Variants in GOPC observed in about 807,000 individuals in gnomAD.
GOPC encodes the protein golgi associated PDZ and coiled-coil motif containing.
In GOPC, 32 loss-of-function variants were observed where a neutral mutation model predicts 51.2. That is an observed-to-expected ratio of 0.63 (90% CI 0.47 to 0.84). The LOEUF is 0.84. Among genes scored for constraint, GOPC ranks in the 40% least tolerant of loss-of-function variants. The probability of loss-of-function intolerance (pLI) is 0.00; values close to 1 mark genes in which losing one functional copy is unlikely to be tolerated. For synonymous variants in GOPC, 190 were observed against 205.1 expected (o/e 0.93, Z 0.63); for missense variants, 441 against 555.5 (o/e 0.79, Z 2.07).
intron 5 of GOPC, among the ~76,000 whole-genome samples, chr6:117,571,539 A>T (rs1779806819): frequency 6.6e-6 from 1 of 152,104 alleles, no homozygotes; most frequent in South Asian, 2.1e-4. Context: ...ATCATGTGCA[A>T]ATGCAAAACA....
intron 1 of GOPC, among the ~76,000 whole-genome samples, chr6:117,591,192 G>A (rs974846415): frequency 6.6e-6 from 1 of 152,124 alleles, no homozygotes; most frequent in African/African-American, 2.4e-5. Context: ...TACCAATTCT[G>A]TAATCCTTAT....
chr6:117,578,076 T>C (rs2114614048), intron 2 of GOPC, among the ~76,000 whole-genome samples: 1 of 152,254 alleles, frequency 6.6e-6, no homozygotes. Context: ...ATCTGCTATC[T>C]CTTACACACT....
intron 1 of GOPC, among the ~76,000 whole-genome samples, chr6:117,581,946 TG>T (rs774132372): frequency 3.3e-5 from 5 of 152,128 alleles, no homozygotes; most frequent in Non-Finnish European, 7.4e-5. Context: ...TCCAAGTGAT[TG>T]TAGCAACTGA....
Position 117,602,206 on chromosome 6 carries a change from ACCCCGCCAGGGGC to A in GOPC, c.70_82del (p.Ala24TyrfsTer43), listed in dbSNP as rs1227494707. On this transcript the variant is annotated frameshift_variant, in exon 1 of 9. Coordinates refer to ENST00000368498, the MANE Select transcript of GOPC (RefSeq NM_020399.4). LOFTEE classifies it high-confidence loss of function. Reference sequence around the variant, plus strand: ...CACCTCCAGCCACCGGAACATGGATACCCCGCCAGGGGCCCCCACGGAGCAGGAGGCGCCCCCT... The same window carrying A: ...CACCTCCAGCCACCGGAACATGGATACCCCACGGAGCAGGAGGCGCCCCCT... The A allele has an allele frequency of 2.5e-6, 4 of 1,608,056 alleles. No homozygotes were observed. The highest frequency in any genetic ancestry group is 3.4e-6 in the Non-Finnish European group (4 of 1,179,852).
chr6:117,581,364 CT>C (rs920764356), intron 1 of GOPC, among the ~76,000 whole-genome samples: 2 of 151,578 alleles, frequency 1.3e-5, no homozygotes, highest in African/African-American at 2.4e-5. Context: ...TTCTTCATTC[CT>C]TTTTTTTAAA....
chr6:117,569,183 T>TCTA (rs1311111884), intron 7 of GOPC, among the ~76,000 whole-genome samples: 2 of 152,350 alleles, frequency 1.3e-5, no homozygotes, highest in South Asian at 2.1e-4. Flanking sequence ...TCAATCTACT[T>TCTA]CTAGCACTGT....
chr6:117,598,229 C>T (rs1780231235), intron 1 of GOPC, among the ~76,000 whole-genome samples: 1 of 150,202 alleles, frequency 6.7e-6, no homozygotes, highest in Non-Finnish European at 1.5e-5. Flanking sequence ...GAAAAATTAG[C>T]TGAGTATAGT....
intron 1 of GOPC, among the ~76,000 whole-genome samples, chr6:117,588,942 ATAGAG>A (rs371642893): frequency 1.6e-4 from 24 of 152,250 alleles, no homozygotes; most frequent in Admixed American, 5.2e-4. Flanking sequence ...GCTCCACCAT[ATAGAG>A]TAGGGGTAGG....
chr6:117,563,450 A>G (rs1484284651), intron 8 of GOPC, 66 bp from the exon 9 acceptor site: 1 of 1,495,514 alleles, frequency 6.7e-7, no homozygotes. Context: ...GGTCAGGTGC[A>G]GTGGCTCATA....
rs748347695 is a variant in GOPC, at chr6:117,578,945, A to G, written c.405T>C (p.Ala135=). 1.2e-6 allele frequency: 2 copies of G among 1,610,896 alleles called. No homozygotes were observed. The highest frequency in any genetic ancestry group is 2.2e-5 in the South Asian group (2 of 90,262). Residue 135 remains alanine, a synonymous_variant, in exon 2 of 9, where the codon GCT becomes GCC. Coordinates refer to ENST00000368498, the MANE Select transcript of GOPC (RefSeq NM_020399.4). ...QLHSIQLQLH[A]KTGQSADSGT... ...CAGAGTCAGCACTTTGACCAGTTTTAGCATGAAGCTGCAGCTGAATAGAGT... is the reference window on the plus strand; with the variant it reads ...CAGAGTCAGCACTTTGACCAGTTTTGGCATGAAGCTGCAGCTGAATAGAGT...
chr6:117,565,454 A>C (rs753242211), intron 8 of GOPC, among the ~76,000 whole-genome samples: 4 of 152,208 alleles, frequency 2.6e-5, no homozygotes, highest in Non-Finnish European at 4.4e-5. Flanking sequence ...TTATATTAAA[A>C]TCCATTTGCC....
Position 117,569,744 on chromosome 6 carries a change from C to A in GOPC, c.913-8G>T, listed in dbSNP as rs764755810. The A allele has an allele frequency of 7.7e-6, 12 of 1,568,602 alleles. No individual in the cohort carries two copies. Among genetic ancestry groups the A allele is most frequent in the African/African-American group, 5.5e-5 (4 of 72,352 alleles). On this transcript the variant is annotated splice_region_variant and splice_polypyrimidine_tract_variant and intron_variant, in intron 6 of 8. Coordinates refer to ENST00000368498, the MANE Select transcript of GOPC (RefSeq NM_020399.4). Reference sequence around the variant, plus strand: ...ACCATGTTCTTTCCCACCCTAACAACAACAAAGGGCAGTAAATTAAAGTAC... The same window carrying A: ...ACCATGTTCTTTCCCACCCTAACAAAAACAAAGGGCAGTAAATTAAAGTAC...
intron 1 of GOPC, among the ~76,000 whole-genome samples, chr6:117,591,373 T>C (rs1780114481): frequency 6.6e-6 from 1 of 152,252 alleles, no homozygotes; most frequent in Admixed American, 6.5e-5. Flanking sequence ...TGGTTCAAAC[T>C]ATTTCCCCTA....
In GOPC at chr6:117,602,343, C is replaced by A; in HGVS notation, c.-55G>T. 6.7e-7 allele frequency: 1 copy of A among 1,492,856 alleles called. No individual in the cohort carries two copies. The highest frequency in any genetic ancestry group is 8.9e-7 in the Non-Finnish European group (1 of 1,128,324). The allele number at this position is 1,492,856 out of a possible 1,614,324, so 92.5% of individuals were successfully genotyped here. On this transcript the variant is annotated 5_prime_UTR_variant, in exon 1 of 9. Transcript: ENST00000368498. ...GAAGACCCTCGCCGCCCCCCGCGCACGAAGGGAACTGCTGGGACTGAGGGG... is the reference window on the plus strand; with the variant it reads ...GAAGACCCTCGCCGCCCCCCGCGCAAGAAGGGAACTGCTGGGACTGAGGGG...
At chr6:117,596,048 G>A (rs775974326) in intron 1 of GOPC, among the ~76,000 whole-genome samples, 1 of 151,534 alleles carries the variant, frequency 6.6e-6, no homozygotes, top group South Asian at 2.1e-4. Flanking sequence ...CACCACATCC[G>A]TGCCAACATC....
chr6:117,589,755 A>G (rs1251551096), intron 1 of GOPC, among the ~76,000 whole-genome samples: 2 of 152,240 alleles, frequency 1.3e-5, no homozygotes, highest in African/African-American at 4.8e-5. Context: ...TGAAGATCCA[A>G]TCAATAAAAA....
intron 7 of GOPC, 116 bp downstream of exon 7, chr6:117,569,456 C>G: frequency 7.4e-7 from 1 of 1,350,808 alleles, no homozygotes. Flanking sequence ...TCAAAGGAAA[C>G]AAGAACTATG....
rs1303650514 is a variant in GOPC at position 117,560,655 on chromosome 6, TAAC to T, written c.*2596_*2598del. 1.5e-5 allele frequency: 3 copies of T among 196,320 alleles called. No individual in the cohort carries two copies. Among genetic ancestry groups the T allele is most frequent in the South Asian group, 1.9e-4 (1 of 5,210 alleles). The allele number at this position is 196,320 out of a possible 1,614,324, so 12.2% of individuals were successfully genotyped here. ...ATTTTCGTCTTTCTCAAATTTATTT[TAAC>T]AATAGTCTCACCACCAAAATGTTGC... is the stretch of plus-strand genomic sequence containing the variant. On this transcript the variant is annotated 3_prime_UTR_variant, in exon 9 of 9. Transcript: ENST00000368498.
chr6:117,587,991 C>T (rs1169151211), intron 1 of GOPC, among the ~76,000 whole-genome samples: 3 of 152,112 alleles, frequency 2.0e-5, no homozygotes, highest in Non-Finnish European at 4.4e-5. Context: ...CCTCCCACCT[C>T]AGCCTCCTGG....
Sources: allele counts gnomAD v4.1 joint callset (sites outside exome capture counted in the v4.1 genomes callset), GRCh38; gene constraint gnomAD v4.1.1; transcripts MANE v1.5; gene names NCBI Gene and HGNC (gene_info 2026-07-23, HGNC 2026-07-21).